Variants in NAV2 observed in about 807,000 individuals in gnomAD.
The protein encoded by NAV2 is neuron navigator 2.
Under a neutral mutation model 223.2 loss-of-function variants are expected in NAV2, and 54 were observed. That is an observed-to-expected ratio of 0.24 (90% CI 0.19 to 0.30). The LOEUF (loss-of-function observed/expected upper bound fraction) is 0.30, where lower values mean the gene tolerates loss of function less well. NAV2 is among the 10% of genes least tolerant of loss of function. The probability of loss-of-function intolerance (pLI) is 1.00; values close to 1 mark genes in which losing one functional copy is unlikely to be tolerated. For missense variants in NAV2, 2,806 were observed against 3,147.5 expected (o/e 0.89, Z 2.60); for synonymous variants, 1,279 against 1,239.3 (o/e 1.03, Z -0.67).
intron 1 of NAV2, among the ~76,000 whole-genome samples, chr11:19,508,776 T>C (rs1251825899): frequency 6.6e-6 from 1 of 152,226 alleles, no homozygotes; most frequent in Non-Finnish European, 1.5e-5. Flanking sequence ...CCCAAATGCC[T>C]GTAACAGTGG....
At chr11:20,056,613 G>A (rs756996834) in intron 19 of NAV2, 32 of 1,612,532 alleles carry the variant, frequency 2.0e-5, no homozygotes, top group Middle Eastern at 1.6e-4. Context: ...GTTCCATCAC[G>A]CAAGGTATGA....
the NAV2 span, among the ~76,000 whole-genome samples, chr11:19,345,561 G>C: frequency 6.6e-6 from 1 of 152,220 alleles, no homozygotes; most frequent in Non-Finnish European, 1.5e-5. This position sits in a 1 kb window ranked among gnomAD's most constrained non-coding sequence, Gnocchi z 5.2. Flanking sequence ...GGCCTCTCAA[G>C]CCACCCGGCC....
intron 1 of NAV2, among the ~76,000 whole-genome samples, chr11:19,442,210 C>T (rs1590210449): frequency 6.6e-6 from 1 of 152,372 alleles, no homozygotes; most frequent in African/African-American, 2.4e-5. Flanking sequence ...TCTCCCTCCT[C>T]CCCATCATCC....
At chr11:19,419,940 T>A (rs1298028912) in intron 1 of NAV2, among the ~76,000 whole-genome samples, 3 of 152,166 alleles carry the variant, frequency 2.0e-5, no homozygotes, top group Admixed American at 6.5e-5. Flanking sequence ...GATGAACGAA[T>A]GAGCAAAGCC....
intron 3 of NAV2, among the ~76,000 whole-genome samples, chr11:19,849,927 C>T (rs1356195370): frequency 2.0e-5 from 3 of 152,160 alleles, no homozygotes; most frequent in Non-Finnish European, 4.4e-5. Context: ...TCAGTCATGC[C>T]TGTTTAAAAC....
intron 6 of NAV2, among the ~76,000 whole-genome samples, chr11:19,929,341 A>G (rs2045102967): frequency 6.6e-6 from 1 of 152,208 alleles, no homozygotes; most frequent in Non-Finnish European, 1.5e-5. Flanking sequence ...ATGATATCCT[A>G]GGAATGATAG....
rs574562350 is a variant in NAV2, at chr11:19,442,836, G to A, written c.75+91809G>A. On this transcript the variant is annotated intron_variant, in intron 1 of 37. Transcript: ENST00000360655. ...TCTCTTCCAGTAGCTTCAAGAATGT[G>A]CTTGTTTCCCTTGACTAAAGCAGCT... Among the ~76,000 whole-genome samples, 6 of 152,320 alleles carry A rather than the reference G, an allele frequency of 3.9e-5. No individual in the cohort carries two copies. The East Asian group carries it at 9.6e-4, about 24-fold the overall frequency.
chr11:19,423,885 A>T (rs1433289063), intron 1 of NAV2, among the ~76,000 whole-genome samples: 1 of 152,154 alleles, frequency 6.6e-6, no homozygotes, highest in Non-Finnish European at 1.5e-5. Flanking sequence ...AATAACTAGG[A>T]AGTTCTCTAG....
rs756862129 is a variant in NAV2, at chr11:20,078,154, A to G, written c.5179+50A>G. 11 of 1,324,668 alleles carry G rather than the reference A, an allele frequency of 8.3e-6. No homozygotes were observed. The African/African-American group carries it at 1.3e-4, about 16-fold the overall frequency. 82.1% of individuals were successfully genotyped at this position (1,324,668 alleles called of 1,614,324 possible). On this transcript the variant is annotated intron_variant, in intron 24 of 37. Transcript: ENST00000349880. ...GCCAGAAGACCTGCCTGCCCTTAGG[A>G]GCCCTCCCCTGACATCATATGATGC... is the stretch of plus-strand genomic sequence containing the variant.
chr11:19,552,082 G>A (rs1201102596), intron 1 of NAV2, among the ~76,000 whole-genome samples: 1 of 152,190 alleles, frequency 6.6e-6, no homozygotes, highest in African/African-American at 2.4e-5. Flanking sequence ...GATGCCCAGG[G>A]CTGAGACTGG....
At chr11:19,784,997 C>T (rs193039703) in intron 1 of NAV2, among the ~76,000 whole-genome samples, 1 of 152,138 alleles carries the variant, frequency 6.6e-6, no homozygotes, top group Non-Finnish European at 1.5e-5. Flanking sequence ...GGAAATTTAC[C>T]TGAGCAGTGG....
chr11:20,027,459 A>T (rs1349203928), intron 11 of NAV2: 1 of 985,378 alleles, frequency 1.0e-6, no homozygotes, highest in African/African-American at 1.7e-5. Flanking sequence ...GAACTGGAAA[A>T]TTGAGCAGGT....
At chr11:19,814,765 T>A (rs2059005595) in intron 1 of NAV2, among the ~76,000 whole-genome samples, 1 of 152,118 alleles carries the variant, frequency 6.6e-6, no homozygotes, top group African/African-American at 2.4e-5. Context: ...CATGCCCAGG[T>A]AGAATGGTCA....
At chr11:19,345,887 T>A (rs1003105773), upstream of NAV2, among the ~76,000 whole-genome samples, 5 of 152,194 alleles carry the variant, frequency 3.3e-5, no homozygotes, top group African/African-American at 1.2e-4. The surrounding 1 kb of genome is among the most constrained non-coding windows in gnomAD (Gnocchi z 5.2). Flanking sequence ...TCTGCGTGAT[T>A]GTGTCTCTGG....
At position 19,868,917 on chromosome 11, in the gene NAV2, C is replaced by T; in HGVS notation, c.439-8C>T. The T allele has an allele frequency of 6.2e-7, 1 of 1,612,618 alleles. No individual in the cohort carries two copies. Among genetic ancestry groups the T allele is most frequent in the Non-Finnish European group, 8.5e-7 (1 of 1,179,228 alleles). On this transcript the variant is annotated splice_region_variant and splice_polypyrimidine_tract_variant and intron_variant, in intron 3 of 37. Transcript: ENST00000349880. Reference sequence around the variant, plus strand: ...TATTAAGTATATATTGTTGTTTTTCCCTCCTAGATTGAAAACATAGATGCC... The same window carrying T: ...TATTAAGTATATATTGTTGTTTTTCTCTCCTAGATTGAAAACATAGATGCC...
intron 19 of NAV2, among the ~76,000 whole-genome samples, chr11:20,059,555 T>G (rs2058573919): frequency 6.6e-6 from 1 of 151,978 alleles, no homozygotes; most frequent in Non-Finnish European, 1.5e-5. Flanking sequence ...AGGACACCAT[T>G]CTAAAAGACA....
At chr11:19,623,054 G>T (rs181596926) in intron 1 of NAV2, among the ~76,000 whole-genome samples, 102 of 152,248 alleles carry the variant, frequency 6.7e-4, no homozygotes, top group Non-Finnish European at 1.0e-3. Context: ...GAAATTCTGG[G>T]TTGAAAACTC....
rs770122810 is a variant in NAV2 at position 20,016,234 on chromosome 11, A to T, written c.2769-19725A>T. 3.4e-4 allele frequency among the ~76,000 whole-genome samples: 51 copies of T among 152,162 alleles called. 1 individual carries two copies. Among genetic ancestry groups the T allele is most frequent in the Non-Finnish European group, 1.9e-4 (13 of 68,034 alleles). ...CACCCTTCCAGAAAAGACATCCCTG[A>T]TGTTGGACTGAGGGTGGAAAGTCTG... is the stretch of plus-strand genomic sequence containing the variant. On this transcript the variant is annotated intron_variant, in intron 11 of 37. Coordinates refer to ENST00000349880, the MANE Select transcript of NAV2 (RefSeq NM_145117.5).
chr11:19,375,410 TCTC>T (rs1848608037), intron 1 of NAV2, among the ~76,000 whole-genome samples: 2 of 152,150 alleles, frequency 1.3e-5, no homozygotes, highest in South Asian at 4.1e-4. Flanking sequence ...GGTACTCCCT[TCTC>T]CTACAATCTA....
Sources: allele counts gnomAD v4.1 joint callset (sites outside exome capture counted in the v4.1 genomes callset), GRCh38; gene constraint gnomAD v4.1.1; non-coding constraint Gnocchi (gnomAD v3.1); transcripts MANE v1.5; gene names NCBI Gene and HGNC (gene_info 2026-07-23, HGNC 2026-07-21).